The following HSDL2 variants were observed in gnomAD, a reference collection of about 807,000 sequenced individuals.
The protein encoded by HSDL2 is hydroxysteroid dehydrogenase like 2.
In HSDL2, 27 loss-of-function variants were observed where a neutral mutation model predicts 46.3. The ratio of observed to expected loss-of-function variants is 0.58; its 90% CI spans 0.43 to 0.80. The LOEUF is 0.80. Ranked by LOEUF, HSDL2 falls within the 30% of genes least tolerant of loss-of-function variation. The pLI, the probability that HSDL2 is intolerant of heterozygous loss-of-function variation, is 0.00. For synonymous variants in HSDL2, 153 were observed against 163.6 expected, an observed-to-expected ratio of 0.94 and a Z score of 0.50; for missense variants, 451 against 502.7, an observed-to-expected ratio of 0.90 and a Z score of 0.98.
At chr9:112,391,031 C>T (rs543905590) in intron 1 of HSDL2, among the ~76,000 whole-genome samples, 1 of 151,954 alleles carries the variant, frequency 6.6e-6, no homozygotes, top group South Asian at 2.1e-4. Flanking sequence ...CAAAAATTAG[C>T]CAGGCATGGT....
intron 10 of HSDL2, among the ~76,000 whole-genome samples, chr9:112,464,446 C>T (rs191114936): frequency 5.4e-4 from 82 of 151,960 alleles, no homozygotes; most frequent in Non-Finnish European, 1.5e-4. Context: ...TTATTTTTTC[C>T]TGTTATCATT....
chr9:112,405,791 A>T, intron 3 of HSDL2, 69 bp downstream of exon 3: 1 of 1,018,354 alleles, frequency 9.8e-7, no homozygotes. Flanking sequence ...ATGTTAATTT[A>T]AAAATTTGTT....
intron 6 of HSDL2, among the ~76,000 whole-genome samples, chr9:112,422,220 A>G (rs1587945914): frequency 6.6e-6 from 1 of 152,178 alleles, no homozygotes; most frequent in Non-Finnish European, 1.5e-5. Flanking sequence ...AAAACAAACA[A>G]ACAAACGAAC....
At chr9:112,452,179 A>G (rs1212877193) in intron 8 of HSDL2, among the ~76,000 whole-genome samples, 1 of 152,232 alleles carries the variant, frequency 6.6e-6, no homozygotes, top group Non-Finnish European at 1.5e-5. Context: ...TGGAAACATC[A>G]TAATGAAAGG....
chr9:112,414,338 C>CT (rs1260745791), intron 4 of HSDL2, among the ~76,000 whole-genome samples: 4 of 152,190 alleles, frequency 2.6e-5, no homozygotes, highest in African/African-American at 9.7e-5. Flanking sequence ...CCTTACAGGT[C>CT]TTTGAGTTTG....
intron 9 of HSDL2, among the ~76,000 whole-genome samples, chr9:112,457,558 C>G (rs1052432600): frequency 2.0e-5 from 3 of 152,042 alleles, no homozygotes; most frequent in Non-Finnish European, 4.4e-5. Context: ...GATGGGAAGA[C>G]AGCTTAAGCC....
At chr9:112,395,587 A>T (rs1831437022) in intron 1 of HSDL2, among the ~76,000 whole-genome samples, 1 of 152,248 alleles carries the variant, frequency 6.6e-6, no homozygotes, top group Admixed American at 6.5e-5. Flanking sequence ...ATGGTACAGT[A>T]AAAGCAAATT....
rs556181019 is a variant in HSDL2, at chr9:112,417,007, T to C, written c.499+63T>C. 14 of 706,204 alleles carry C rather than the reference T, an allele frequency of 2.0e-5. No individual in the cohort carries two copies. The East Asian group carries it at 3.5e-4, about 18-fold the overall frequency. The allele number at this position is 706,204 out of a possible 1,614,324, so 43.7% of individuals were successfully genotyped here. On this transcript the variant is annotated intron_variant, in intron 5 of 10. Transcript: ENST00000398805. ...CTTAATTTGTTTTGAATTAAATCTG[T>C]GTATGTCTGATGTAATCACAATCTG...
At chr9:112,399,602 G>A (rs979201566) in intron 1 of HSDL2, among the ~76,000 whole-genome samples, 18 of 152,100 alleles carry the variant, frequency 1.2e-4, no homozygotes, top group African/African-American at 4.3e-4. Context: ...TAAGACAGAC[G>A]TTCCCAGAGT....
chr9:112,381,116 C>CACACACACACACACACAT (rs1587921313), intron 1 of HSDL2, among the ~76,000 whole-genome samples: 1 of 151,716 alleles, frequency 6.6e-6, no homozygotes, highest in Admixed American at 6.6e-5. Flanking sequence ...CACACACACA[C>CACACACACACACACACAT]ATACCCTTTC....
At chr9:112,411,457 C>T (rs1171016478) in intron 4 of HSDL2, among the ~76,000 whole-genome samples, 2 of 152,168 alleles carry the variant, frequency 1.3e-5, no homozygotes, top group Non-Finnish European at 2.9e-5. Context: ...GGCAGATCAC[C>T]TGAGGTCAGG....
chr9:112,415,383 A>G (rs1285065474), intron 4 of HSDL2, among the ~76,000 whole-genome samples: 2 of 152,162 alleles, frequency 1.3e-5, no homozygotes, highest in Non-Finnish European at 2.9e-5. Flanking sequence ...TATATCATCT[A>G]ATTTTAATCT....
At chr9:112,449,639 G>C (rs192752145) in intron 8 of HSDL2, among the ~76,000 whole-genome samples, 1 of 152,004 alleles carries the variant, frequency 6.6e-6, no homozygotes, top group Non-Finnish European at 1.5e-5. Flanking sequence ...TGAGGCAGGC[G>C]GATTGTCTGA....
At chr9:112,444,836 T>TG (rs1832718983) in intron 8 of HSDL2, among the ~76,000 whole-genome samples, 1 of 109,304 alleles carries the variant, frequency 9.1e-6, no homozygotes, top group Non-Finnish European at 2.2e-5. Context: ...TCAGTCTTGT[T>TG]TTTTTTTTTT....
rs545771718 is a variant in HSDL2, at chr9:112,391,330, A to G, written c.17+11150A>G. 2.6e-5 allele frequency among the ~76,000 whole-genome samples: 4 copies of G among 152,080 alleles called. No individual in the cohort carries two copies. The East Asian group carries it at 7.7e-4, about 29-fold the overall frequency. ...AAAAAATAAAAAAATTAAATTAACCAGGCATGTTGGCATGCACCCGTAGTT... is the reference window on the plus strand; with the variant it reads ...AAAAAATAAAAAAATTAAATTAACCGGGCATGTTGGCATGCACCCGTAGTT... On this transcript the variant is annotated intron_variant, in intron 1 of 10. Transcript: ENST00000398805.
At chr9:112,398,527 A>G (rs1436029785) in intron 1 of HSDL2, among the ~76,000 whole-genome samples, 1 of 152,000 alleles carries the variant, frequency 6.6e-6, no homozygotes, top group Non-Finnish European at 1.5e-5. Context: ...TTGAGTCCTC[A>G]ATATCGTCAG....
At chr9:112,456,814 C>A (rs1833041307) in intron 9 of HSDL2, among the ~76,000 whole-genome samples, 1 of 151,378 alleles carries the variant, frequency 6.6e-6, no homozygotes, top group Non-Finnish European at 1.5e-5. Flanking sequence ...GTCTGGCTTG[C>A]TGTGTCTCTT....
At chr9:112,433,320 C>T (rs1189882592) in intron 6 of HSDL2, among the ~76,000 whole-genome samples, 1 of 151,976 alleles carries the variant, frequency 6.6e-6, no homozygotes, top group Non-Finnish European at 1.5e-5. Flanking sequence ...TTGTTATTTC[C>T]CACTGAACTT....
At position 112,459,477 on chromosome 9, in the gene HSDL2, T is replaced by C. The variant is rs1833138293; in HGVS notation, c.1044T>C (p.Asp348=). Residue 348 remains aspartate (D), a synonymous_variant, in exon 10 of 11, where the codon GAT becomes GAC. Coordinates refer to ENST00000398805, the MANE Select transcript of HSDL2 (RefSeq NM_032303.5). The part of the protein sequence containing the change: ...SGEDGGTWFL[D]LKSKGGNVGY... ...AAGATGGTGGCACGTGGTTTCTTGA[T>C]CTGAAAAGCAAGGGTGGGAATGTCG... 4 of 1,613,942 alleles carry C rather than the reference T, an allele frequency of 2.5e-6. No homozygotes were observed. Among genetic ancestry groups the C allele is most frequent in the Non-Finnish European group, 3.4e-6 (4 of 1,179,922 alleles).
Sources: gnomAD v4.1 joint callset for allele counts (sites outside exome capture counted in the v4.1 genomes callset) on GRCh38, gnomAD v4.1.1 for gene constraint, MANE v1.5 for transcripts, NCBI Gene and HGNC (gene_info 2026-07-23, HGNC 2026-07-21) for gene names.